ZNF420: variants seen among roughly 807,000 people sequenced by gnomAD.
The protein encoded by ZNF420 is ATM and p53-associated KZNF protein.
ZNF420 carries 31 observed loss-of-function variants against 44.7 expected under a neutral mutation model. That is an observed-to-expected ratio of 0.69 (90% confidence interval 0.52 to 0.94). ZNF420 has a LOEUF of 0.94. ZNF420 is among the 40% of genes least tolerant of loss of function. The pLI is 0.00. For missense variants in ZNF420, 681 were observed against 827.9 expected, an observed-to-expected ratio of 0.82 and a Z score of 2.18; for synonymous variants, 245 against 267.4, an observed-to-expected ratio of 0.92 and a Z score of 0.82.
intron 1 of ZNF420, among the ~76,000 whole-genome samples, chr19:37,012,260 G>A (rs1013572654): frequency 3.3e-5 from 5 of 152,184 alleles, no homozygotes; most frequent in African/African-American, 1.2e-4. Context: ...CTACCGCCGC[G>A]CCGCCGCCAT....
upstream of ZNF420, among the ~76,000 whole-genome samples, chr19:37,073,487 C>A (rs771605517): frequency 6.6e-6 from 1 of 151,832 alleles, no homozygotes; most frequent in Non-Finnish European, 1.5e-5. Flanking sequence ...ACCTGTAATC[C>A]CAACACTTTG....
At position 37,128,188 on chromosome 19, in the gene ZNF420, G is replaced by C. The variant is rs144801521; in HGVS notation, c.1197G>C (p.Met399Ile). 3.1e-6 allele frequency: 5 copies of C among 1,613,640 alleles called. No individual in the cohort carries two copies. Among genetic ancestry groups the C allele is most frequent in the Non-Finnish European group, 4.2e-6 (5 of 1,179,904 alleles). ...ATGAATGTAAGGAATGTGGAAAGAT[G>C]TTTAGTCATGGCTCACAACTTACTC... Reference protein sequence around the residue: ...KPYECKECGKMFSHGSQLTQH... With the variant: ...KPYECKECGKIFSHGSQLTQH... Residue 399 changes from methionine to isoleucine, a missense_variant, in exon 5 of 5, where the codon ATG becomes ATC. Transcript: ENST00000337995.
chr19:37,106,924 G>A (rs1970122597), intron 4 of ZNF420: 1 of 152,044 alleles, frequency 6.6e-6, no homozygotes, highest in Non-Finnish European at 1.5e-5. Context: ...GTTAAGAAAA[G>A]GTGCTGTGCC....
intron 1 of ZNF420, among the ~76,000 whole-genome samples, chr19:37,009,039 T>A (rs540498439): frequency 7.7e-4 from 118 of 152,280 alleles, no homozygotes; most frequent in African/African-American, 2.5e-3. Flanking sequence ...CTGCGTAGTT[T>A]CCCTACAATG....
intron 4 of ZNF420, among the ~76,000 whole-genome samples, chr19:37,103,967 ATTTT>A (rs58366687): frequency 6.9e-6 from 1 of 144,272 alleles, no homozygotes; most frequent in African/African-American, 2.5e-5. Context: ...CTCTTCTCTC[ATTTT>A]TTTTTTGTCT....
rs552318352 is a variant in ZNF420 at position 37,129,191 on chromosome 19, G to C, written c.*133G>C. 9 of 1,132,914 alleles carry C rather than the reference G, an allele frequency of 7.9e-6. No homozygotes were observed. Among genetic ancestry groups the C allele is most frequent in the Non-Finnish European group, 1.1e-5 (9 of 803,718 alleles). 70.2% of individuals were successfully genotyped at this position (1,132,914 alleles called of 1,614,324 possible). On this transcript the variant is annotated 3_prime_UTR_variant, in exon 5 of 5. Coordinates refer to ENST00000337995, the MANE Select transcript of ZNF420 (RefSeq NM_144689.5). ...TCAGATAATTTATGTGAGAGAAAAT[G>C]GTAGTGTCATTCATATAGAAAAACA...
chr19:37,018,395 A>T (rs1034473097), intron 1 of ZNF420, among the ~76,000 whole-genome samples: 4 of 152,220 alleles, frequency 2.6e-5, no homozygotes, highest in African/African-American at 9.6e-5. Flanking sequence ...CTGATTTCAG[A>T]ACTTACTGCA....
chr19:37,067,697 C>T (rs1446439985), intron 1 of ZNF420, among the ~76,000 whole-genome samples: 2 of 152,082 alleles, frequency 1.3e-5, no homozygotes, highest in Non-Finnish European at 2.9e-5. Flanking sequence ...CTGAAGAAAA[C>T]TGTGATAGAT....
At chr19:37,087,283 AAAAAAAAAAATAAATAAAT>A (rs1375254489) in intron 2 of ZNF420, among the ~76,000 whole-genome samples, 128 of 49,990 alleles carry the variant, frequency 2.6e-3, no homozygotes, top group African/African-American at 0.012. Flanking sequence ...ACCCTGTCTC[AAAAAAAAAAATAAATAAAT>A]AAATAAATAA....
At chr19:37,062,572 A>C (rs1967897205) in intron 1 of ZNF420, among the ~76,000 whole-genome samples, 1 of 152,168 alleles carries the variant, frequency 6.6e-6, no homozygotes, top group South Asian at 2.1e-4. Flanking sequence ...TTAATTCTTA[A>C]TGAACTTATT....
intron 1 of ZNF420, among the ~76,000 whole-genome samples, chr19:37,068,964 A>C (rs1662448156): frequency 6.6e-6 from 1 of 152,150 alleles, no homozygotes; most frequent in Non-Finnish European, 1.5e-5. Context: ...CCAAAAATTA[A>C]TGAAACTACA....
chr19:37,115,666 C>G (rs548403926), intron 4 of ZNF420, among the ~76,000 whole-genome samples: 1 of 151,960 alleles, frequency 6.6e-6, no homozygotes, highest in South Asian at 2.1e-4. Flanking sequence ...CAGGGACAAG[C>G]AGGAGACAGG....
At chr19:37,095,788 G>A (rs1209827716) in intron 4 of ZNF420, among the ~76,000 whole-genome samples, 1 of 151,982 alleles carries the variant, frequency 6.6e-6, no homozygotes, top group Non-Finnish European at 1.5e-5. Context: ...TAGTAGAGAC[G>A]GGGTTTCGCC....
intron 1 of ZNF420, among the ~76,000 whole-genome samples, chr19:37,022,735 A>G (rs751525572): frequency 6.6e-6 from 1 of 152,120 alleles, no homozygotes; most frequent in Non-Finnish European, 1.5e-5. Context: ...ACAGCAATAT[A>G]CTGTAGGTAC....
At position 37,043,382 on chromosome 19, in the gene ZNF420, T is replaced by C. The variant is rs1456717012; in HGVS notation, c.-125+35300T>C. Among the ~76,000 whole-genome samples the C allele has an allele frequency of 2.0e-5, 3 of 152,264 alleles. No individual in the cohort carries two copies. In the East Asian group the frequency reaches 5.8e-4, roughly 29 times the overall value. On this transcript the variant is annotated intron_variant, in intron 1 of 4. Transcript: ENST00000587029. ...AGCAATATCATCAGCACTATCTCAC[T>C]GGAGTCCTTCAACAACAAAGGCAAA...
intron 4 of ZNF420, among the ~76,000 whole-genome samples, chr19:37,100,997 T>A (rs1416062638): frequency 2.5e-5 from 1 of 40,568 alleles, no homozygotes; most frequent in Non-Finnish European, 5.3e-5. Flanking sequence ...TTTATTCCTT[T>A]TTTTTTTTTT....
intron 1 of ZNF420, among the ~76,000 whole-genome samples, chr19:37,029,628 G>A (rs2562606): frequency 0.35 from 52,985 of 150,466 alleles, 9,585 homozygotes; most frequent in African/African-American, 0.41. Context: ...GCTCTCTGCA[G>A]CCTCAGCCTC....
At chr19:37,085,916 T>C (rs1968735737) in intron 2 of ZNF420, among the ~76,000 whole-genome samples, 1 of 148,534 alleles carries the variant, frequency 6.7e-6, no homozygotes, top group Admixed American at 6.8e-5. Flanking sequence ...CAGGTTTGCA[T>C]CACAATGCCT....
intron 1 of ZNF420, among the ~76,000 whole-genome samples, chr19:37,032,507 GA>G (rs35765701): frequency 7.4e-4 from 92 of 124,120 alleles, no homozygotes; most frequent in Middle Eastern, 4.4e-3. Context: ...CGGTCTTTAA[GA>G]AAAAAAAAAA....
Sources: allele counts gnomAD v4.1 joint callset (sites outside exome capture counted in the v4.1 genomes callset), GRCh38; gene constraint gnomAD v4.1.1; transcripts MANE v1.5; gene names NCBI Gene and HGNC (gene_info 2026-07-23, HGNC 2026-07-21).